Variants in VMP1 observed in about 807,000 individuals in gnomAD.
VMP1 encodes ectopic P-granules autophagy protein 3 homolog.
A neutral mutation model predicts 56.0 loss-of-function variants in VMP1; 11 were observed. That is an observed-to-expected ratio of 0.20 (90% CI 0.12 to 0.32). VMP1 has a LOEUF of 0.32. VMP1 is among the 10% of genes least tolerant of loss of function. The probability of loss-of-function intolerance (pLI) is 1.00; values close to 1 mark genes in which losing one functional copy is unlikely to be tolerated. For synonymous variants in VMP1, 149 were observed against 165.0 expected (o/e 0.90, Z 0.74); for missense variants, 296 against 490.3 (o/e 0.60, Z 3.74).
chr17:59,817,437 C>T (rs982927047), intron 9 of VMP1, among the ~76,000 whole-genome samples: 16 of 151,228 alleles, frequency 1.1e-4, no homozygotes, highest in Non-Finnish European at 1.6e-4. Context: ...CTGCCACCTC[C>T]GCCTCCTGGG....
intron 6 of VMP1, among the ~76,000 whole-genome samples, chr17:59,773,336 C>CT (rs2144033762): frequency 6.6e-6 from 1 of 151,772 alleles, no homozygotes; most frequent in South Asian, 2.1e-4. Context: ...ATAACAGAGT[C>CT]TAAGTAGAGA....
chr17:59,815,252 T>C (rs977587318), intron 9 of VMP1, among the ~76,000 whole-genome samples: 1 of 151,848 alleles, frequency 6.6e-6, no homozygotes, highest in African/African-American at 2.4e-5. Context: ...ATGAGAAGAG[T>C]ATCTTTTTAG....
intron 1 of VMP1, among the ~76,000 whole-genome samples, chr17:59,713,712 AAG>A (rs903244573): frequency 6.7e-6 from 1 of 150,374 alleles, no homozygotes; most frequent in South Asian, 2.1e-4. Flanking sequence ...TGTTAAAAAA[AAG>A]AGAGACTTTT....
intron 7 of VMP1, among the ~76,000 whole-genome samples, chr17:59,800,877 C>T (rs1466356404): frequency 6.6e-6 from 1 of 151,790 alleles, no homozygotes; most frequent in Non-Finnish European, 1.5e-5. Flanking sequence ...GTCAGGAGTT[C>T]GAGACCAGCC....
chr17:59,730,697 A>C (rs1231524225), intron 1 of VMP1, among the ~76,000 whole-genome samples: 1 of 152,226 alleles, frequency 6.6e-6, no homozygotes, highest in African/African-American at 2.4e-5. Flanking sequence ...GTTTTGCTTT[A>C]CTAACACCTG....
In VMP1 at chr17:59,738,936, C is replaced by T. The variant is rs1462298165; in HGVS notation, c.403C>T (p.Leu135=). The part of the protein sequence containing the change: ...VGLGTGLHTF[L]LYLGPHIASV... The stretch of plus-strand genomic sequence containing the variant: ...GCTTGGAACAGGGCTGCACACCTTT[C>T]TGCTTTATCTGGTAAGAATAATTTT... Residue 135 remains leucine, a synonymous_variant, in exon 5 of 12, where the codon CTG becomes TTG. Transcript: ENST00000262291. The T allele has an allele frequency of 6.3e-7, 1 of 1,596,192 alleles. No individual in the cohort carries two copies. The highest frequency in any genetic ancestry group is 1.8e-5 in the Admixed American group (1 of 55,666).
chr17:59,749,695 G>C (rs926659409), intron 5 of VMP1, among the ~76,000 whole-genome samples: 12 of 151,928 alleles, frequency 7.9e-5, no homozygotes, highest in Admixed American at 5.9e-4. Context: ...AGTTTTAGTA[G>C]AGACGGGGTT....
intron 7 of VMP1, among the ~76,000 whole-genome samples, chr17:59,780,571 TTTTG>T (rs1342062545): frequency 6.7e-6 from 1 of 149,858 alleles, no homozygotes; most frequent in African/African-American, 2.5e-5. Flanking sequence ...TGTTGTTTGT[TTTTG>T]TTTTTGTTTT....
intron 10 of VMP1, among the ~76,000 whole-genome samples, chr17:59,828,228 C>G (rs959726364): frequency 6.6e-6 from 1 of 152,170 alleles, no homozygotes; most frequent in Non-Finnish European, 1.5e-5. Context: ...GTTTTGTTCT[C>G]TAGAGCTTCT....
chr17:59,804,981 TATGTTAA>T, intron 7 of VMP1, among the ~76,000 whole-genome samples: 1 of 152,354 alleles, frequency 6.6e-6, no homozygotes, highest in Middle Eastern at 3.4e-3. Context: ...GGTCACTGTG[TATGTTAA>T]ATACATAATA....
At chr17:59,801,838 G>T (rs2037678179) in intron 7 of VMP1, among the ~76,000 whole-genome samples, 1 of 151,932 alleles carries the variant, frequency 6.6e-6, no homozygotes, top group African/African-American at 2.4e-5. Context: ...AGCCAAGATT[G>T]CGTCTTTGCA....
chr17:59,808,841 A>C lies in VMP1; in HGVS notation c.760A>C (p.Lys254Gln). Residue 254 changes from lysine (K) to glutamine (Q), a missense_variant, in exon 8 of 12, where the codon AAA becomes CAA. Physicochemically the swap from Lys to Gln is moderately conservative, Grantham distance 53 (BLOSUM62 1). Transcript: ENST00000262291. ...ACTGGCAGTTCAAAAACTAGTACAG[A>C]AAGTTGGATTTTTTGGAATTTTGGC... ...AKLAVQKLVQ[K>Q]VGFFGILACA... is the part of the protein sequence containing the mutation. 6.2e-7 allele frequency: 1 copy of C among 1,614,066 alleles called. No homozygotes were observed.
chr17:59,728,713 T>G (rs2034702618), intron 1 of VMP1, among the ~76,000 whole-genome samples: 2 of 149,890 alleles, frequency 1.3e-5, no homozygotes, highest in Non-Finnish European at 3.0e-5. Flanking sequence ...ATTTATAATC[T>G]ATGAATATAT....
At chr17:59,782,991 C>T (rs1473611321) in intron 7 of VMP1, among the ~76,000 whole-genome samples, 4 of 152,098 alleles carry the variant, frequency 2.6e-5, no homozygotes, top group African/African-American at 9.7e-5. Flanking sequence ...GTCAGGACAT[C>T]GAGACCATCC....
At chr17:59,710,988 G>A (rs774288119) in intron 1 of VMP1, among the ~76,000 whole-genome samples, 1 of 151,940 alleles carries the variant, frequency 6.6e-6, no homozygotes, top group Non-Finnish European at 1.5e-5. Context: ...CATGAGAATC[G>A]TTTGAACCCG....
rs565440788 is a variant in VMP1 at position 59,715,830 on chromosome 17, A to G, written c.-27+8082A>G. On this transcript the variant is annotated intron_variant, in intron 1 of 11. Coordinates refer to ENST00000262291, the MANE Select transcript of VMP1 (RefSeq NM_030938.5). ...ATAGTCCAATTTTTATTCCAAGTAT[A>G]TGGTGGAAAGTATTAGTTTTGATCT... 7.2e-5 allele frequency among the ~76,000 whole-genome samples: 11 copies of G among 152,298 alleles called. No individual in the cohort carries two copies. In the East Asian group the frequency reaches 2.1e-3, roughly 29 times the overall value.
chr17:59,736,171 G>A (rs1181727619), intron 3 of VMP1, among the ~76,000 whole-genome samples: 1 of 152,034 alleles, frequency 6.6e-6, no homozygotes, highest in Non-Finnish European at 1.5e-5. Context: ...CCAGCACTTT[G>A]GGAGGTGGGT....
chr17:59,733,147 C>G (rs1185517653), intron 2 of VMP1, among the ~76,000 whole-genome samples: 1 of 152,074 alleles, frequency 6.6e-6, no homozygotes, highest in Non-Finnish European at 1.5e-5. Context: ...GATCACACCA[C>G]TGCACTCCAG....
chr17:59,827,882 C>T (rs1240673023), intron 10 of VMP1, among the ~76,000 whole-genome samples: 7 of 151,950 alleles, frequency 4.6e-5, no homozygotes, highest in Admixed American at 1.3e-4. Flanking sequence ...TGCAGTGAGT[C>T]GTGTTTGTGC....
Sources: gnomAD v4.1 joint callset for allele counts (sites outside exome capture counted in the v4.1 genomes callset) on GRCh38, gnomAD v4.1.1 for gene constraint, MANE v1.5 for transcripts, NCBI Gene and HGNC (gene_info 2026-07-23, HGNC 2026-07-21) for gene names.